TENM4: variants seen among roughly 807,000 people sequenced by gnomAD.
TENM4 encodes the protein teneurin transmembrane protein 4.
A neutral mutation model predicts 243.3 loss-of-function variants in TENM4; 82 were observed. The ratio of observed to expected loss-of-function variants is 0.34; its 90% CI spans 0.28 to 0.40. The LOEUF is 0.40. TENM4 is among the 10% of genes least tolerant of loss of function. TENM4 has a pLI of 1.00. For missense variants in TENM4, 3,138 were observed against 3,673.3 expected, an observed-to-expected ratio of 0.85 and a Z score of 3.77; for synonymous variants, 1,412 against 1,456.3, an observed-to-expected ratio of 0.97 and a Z score of 0.69.
chr11:79,004,384 A>G (rs778094456), intron 6 of TENM4, among the ~76,000 whole-genome samples: 3 of 152,156 alleles, frequency 2.0e-5, no homozygotes, highest in Admixed American at 2.0e-4. Context: ...CGACTACACA[A>G]TCATCGGCAA....
chr11:78,864,731 T>TGACA (rs1858922085), intron 9 of TENM4, among the ~76,000 whole-genome samples: 1 of 152,130 alleles, frequency 6.6e-6, no homozygotes, highest in African/African-American at 2.4e-5. Flanking sequence ...AGCGCTCAAG[T>TGACA]CCCTGGACCC....
At chr11:78,779,008 T>C (rs575201870) in intron 16 of TENM4, among the ~76,000 whole-genome samples, 12 of 152,356 alleles carry the variant, frequency 7.9e-5, no homozygotes, top group African/African-American at 2.6e-4. Flanking sequence ...TCCCTTTGAC[T>C]ACTCAGAGCA....
chr11:78,742,284 G>A (rs1484766236), intron 19 of TENM4, among the ~76,000 whole-genome samples: 1 of 152,088 alleles, frequency 6.6e-6, no homozygotes, highest in East Asian at 1.9e-4. Flanking sequence ...CTTGCTCGAG[G>A]TCACCCAGAA....
At chr11:78,774,470 T>G (rs145850656) in intron 17 of TENM4, among the ~76,000 whole-genome samples, 12 of 152,216 alleles carry the variant, frequency 7.9e-5, no homozygotes, top group Non-Finnish European at 1.8e-4. Context: ...CCACCATTCA[T>G]GCTTTCCTAG....
intron 33 of TENM4, among the ~76,000 whole-genome samples, chr11:78,660,320 C>A (rs1172322976): frequency 6.6e-6 from 1 of 152,166 alleles, no homozygotes; most frequent in Non-Finnish European, 1.5e-5. Flanking sequence ...CTGTTTACTT[C>A]TTTCAGCCAT....
intron 6 of TENM4, among the ~76,000 whole-genome samples, chr11:78,920,309 T>G (rs1206178004): frequency 1.3e-5 from 2 of 152,172 alleles, no homozygotes; most frequent in African/African-American, 4.8e-5. Flanking sequence ...AAACCAGAGA[T>G]GTTTTAAAAT....
At chr11:79,071,479 T>TG (rs1860413975) in intron 4 of TENM4, among the ~76,000 whole-genome samples, 1 of 148,216 alleles carries the variant, frequency 6.7e-6, no homozygotes, top group Non-Finnish European at 1.5e-5. Flanking sequence ...TGGGAGTGTC[T>TG]GGGGGGTGGG....
chr11:79,257,359 G>T (rs1855717511), intron 2 of TENM4, among the ~76,000 whole-genome samples: 1 of 152,204 alleles, frequency 6.6e-6, no homozygotes, highest in Admixed American at 6.5e-5. Flanking sequence ...TATAGACTCA[G>T]CATTCAGGAT....
At chr11:78,954,372 C>A (rs995351269) in intron 6 of TENM4, among the ~76,000 whole-genome samples, 1 of 152,234 alleles carries the variant, frequency 6.6e-6, no homozygotes, top group Non-Finnish European at 1.5e-5. Flanking sequence ...AGCCACAGAG[C>A]TGTGTACCCA....
intron 6 of TENM4, among the ~76,000 whole-genome samples, chr11:78,956,143 C>CT (rs908609215): frequency 2.6e-5 from 4 of 151,556 alleles, no homozygotes; most frequent in African/African-American, 2.4e-5. Flanking sequence ...GAAATCAGCA[C>CT]TTTTTTTTTC....
intron 4 of TENM4, among the ~76,000 whole-genome samples, chr11:79,136,356 C>T (rs1862109943): frequency 1.3e-5 from 2 of 152,086 alleles, no homozygotes; most frequent in Admixed American, 1.3e-4. Context: ...CTATGAACAC[C>T]ACTCAGCCTC....
intron 17 of TENM4, among the ~76,000 whole-genome samples, chr11:78,776,105 C>T (rs1032039860): frequency 6.6e-6 from 1 of 152,150 alleles, no homozygotes; most frequent in Non-Finnish European, 1.5e-5. Flanking sequence ...CATCTCTTAC[C>T]TAGATGACAG....
At chr11:78,856,760 A>G (rs1473557406) in intron 10 of TENM4, among the ~76,000 whole-genome samples, 4 of 152,162 alleles carry the variant, frequency 2.6e-5, no homozygotes, top group African/African-American at 4.8e-5. Flanking sequence ...AGATGAGGAA[A>G]AGGTACTTCT....
intron 2 of TENM4, among the ~76,000 whole-genome samples, chr11:79,234,321 T>C (rs564144822): frequency 2.2e-4 from 34 of 152,270 alleles, no homozygotes; most frequent in African/African-American, 6.3e-4. Flanking sequence ...CTGAAAGCTA[T>C]AGAAAAAGCG....
intron 15 of TENM4, among the ~76,000 whole-genome samples, chr11:78,790,343 T>C (rs1284839007): frequency 1.3e-5 from 2 of 152,254 alleles, no homozygotes; most frequent in African/African-American, 4.8e-5. Flanking sequence ...ATTATGCAAT[T>C]CATTGAGCCT....
chr11:79,199,621 AT>A lies in TENM4; in HGVS notation c.-163+16186del, dbSNP rs537740026. Among the ~76,000 whole-genome samples, 90 of 152,350 alleles carry A rather than the reference AT, an allele frequency of 5.9e-4. 1 individual carries two copies. Among genetic ancestry groups the A allele is most frequent in the African/African-American group, 2.1e-3 (88 of 41,590 alleles). ...GAGCTCTCTCAGGGAATGCCCTTCC[AT>A]TACAGATATGCAGTCCTGGGGCTGG... On this transcript the variant is annotated intron_variant, in intron 3 of 33. Coordinates refer to ENST00000278550, the MANE Select transcript of TENM4 (RefSeq NM_001098816.3).
At chr11:79,419,431 G>A (rs1858885065) in intron 1 of TENM4, among the ~76,000 whole-genome samples, 1 of 152,198 alleles carries the variant, frequency 6.6e-6, no homozygotes, top group Non-Finnish European at 1.5e-5. Flanking sequence ...ACGGCACGGG[G>A]ATGGATGTGT....
chr11:78,664,589 C>T (rs1323698995), intron 32 of TENM4, among the ~76,000 whole-genome samples: 1 of 152,204 alleles, frequency 6.6e-6, no homozygotes, highest in Non-Finnish European at 1.5e-5. Context: ...CTATTTTCCA[C>T]CAACCCATGC....
intron 3 of TENM4, among the ~76,000 whole-genome samples, chr11:79,200,916 C>A (rs1863725151): frequency 6.6e-6 from 1 of 152,204 alleles, no homozygotes; most frequent in Non-Finnish European, 1.5e-5. Flanking sequence ...AGATGCTTGT[C>A]AGACCTTGTT....
Sources: allele counts gnomAD v4.1 joint callset (sites outside exome capture counted in the v4.1 genomes callset), GRCh38; gene constraint gnomAD v4.1.1; transcripts MANE v1.5; gene names NCBI Gene and HGNC (gene_info 2026-07-23, HGNC 2026-07-21).